The following RUSC2 variants were observed in gnomAD, a reference collection of about 807,000 sequenced individuals.
The protein encoded by RUSC2 is AP-4 complex accessory subunit RUSC2.
A neutral mutation model predicts 122.2 loss-of-function variants in RUSC2; 34 were observed. The observed-to-expected ratio is 0.28, with a 90% CI of 0.21 to 0.37. The LOEUF is 0.37. Ranked by LOEUF, RUSC2 falls within the 10% of genes least tolerant of loss-of-function variation. RUSC2 has a pLI of 1.00. For synonymous variants in RUSC2, 784 were observed against 790.0 expected, an observed-to-expected ratio of 0.99 and a Z score of 0.13; for missense variants, 1,747 against 1,952.4, an observed-to-expected ratio of 0.89 and a Z score of 1.98.
At chr9:35,505,051 T>G (rs188236694) in intron 1 of RUSC2, among the ~76,000 whole-genome samples, 2 of 152,128 alleles carry the variant, frequency 1.3e-5, no homozygotes, top group East Asian at 3.9e-4. Flanking sequence ...TGAAGTTAGA[T>G]CTTATGTGTT....
intron 1 of RUSC2, among the ~76,000 whole-genome samples, chr9:35,534,905 G>A (rs1729995510): frequency 6.6e-6 from 1 of 151,744 alleles, no homozygotes; most frequent in Admixed American, 6.6e-5. Context: ...CATTCTGTGG[G>A]TTTTCTTTTG....
intron 1 of RUSC2, among the ~76,000 whole-genome samples, chr9:35,494,341 C>T (rs569409549): frequency 6.6e-6 from 1 of 152,038 alleles, no homozygotes; most frequent in Non-Finnish European, 1.5e-5. Flanking sequence ...TGGCGCACAC[C>T]TATAATCCCT....
rs1471073286 is a variant in RUSC2 at position 35,558,060 on chromosome 9, C to T, written c.3060+70C>T. 6.3e-7 allele frequency: 1 copy of T among 1,581,758 alleles called. No individual in the cohort carries two copies. The highest frequency in any genetic ancestry group is 1.1e-5 in the South Asian group (1 of 90,320). On this transcript the variant is annotated intron_variant, in intron 6 of 11. Transcript: ENST00000361226. The surrounding 1 kb of genome is among the most constrained non-coding windows in gnomAD (Gnocchi z 4.3). ...CACCTGTCCCGCGCTACCACCTTCC[C>T]TTGCTGTCTTGCATTTAGAGCCCAG...
At chr9:35,526,584 A>G (rs2132524566) in intron 1 of RUSC2, among the ~76,000 whole-genome samples, 1 of 152,296 alleles carries the variant, frequency 6.6e-6, no homozygotes, top group Middle Eastern at 3.4e-3. Flanking sequence ...AACAGATATT[A>G]CCTCATCTTG....
chr9:35,523,023 T>C (rs1157035979), intron 1 of RUSC2, among the ~76,000 whole-genome samples: 2 of 152,218 alleles, frequency 1.3e-5, no homozygotes, highest in Non-Finnish European at 2.9e-5. Context: ...TCCTGTCTAT[T>C]GATTAGTACT....
rs1274577691 is a variant in RUSC2 at position 35,547,081 on chromosome 9, C to T, written c.560C>T (p.Thr187Ile). 1 of 1,613,814 alleles carries T rather than the reference C, an allele frequency of 6.2e-7. No individual in the cohort carries two copies. The highest frequency in any genetic ancestry group is 8.5e-7 in the Non-Finnish European group (1 of 1,179,862). ...ACCTTGGATACTCAGCAGTGCGGCA[C>T]CAGCCACTGCTGCCGGCCAGAGCTG... ...VMTLDTQQCG[T>I]SHCCRPELEA... The change falls in exon 2 of 12, where the codon ACC becomes ATC. Residue 187 changes from threonine to isoleucine, a missense_variant. Physicochemically the swap from Thr to Ile is moderately conservative, Grantham distance 89. Coordinates refer to ENST00000361226, the MANE Select transcript of RUSC2 (RefSeq NM_014806.5). The surrounding 1 kb of genome is among the most constrained non-coding windows in gnomAD (Gnocchi z 4.6).
At position 35,546,610 on chromosome 9, in the gene RUSC2, G is replaced by A. The variant is rs750269176; in HGVS notation, c.89G>A (p.Cys30Tyr). 2.6e-6 allele frequency: 4 copies of A among 1,555,830 alleles called. No individual in the cohort carries two copies. The highest frequency in any genetic ancestry group is 2.6e-6 in the Non-Finnish European group (3 of 1,153,042). ...TGCCAAGTCCCAGACAGGCAGTGCT[G>A]TGGAGGGGCAGGTGGAGGTGGTGGG... ...VHCQVPDRQC[C>Y]GGAGGGGGST... The change falls in exon 2 of 12, where the codon TGT becomes TAT. Residue 30 changes from cysteine to tyrosine, a missense_variant. Cys to Tyr is a radical substitution (Grantham distance 194). Transcript: ENST00000361226. This position sits in a 1 kb window ranked among gnomAD's most constrained non-coding sequence, Gnocchi z 4.3.
chr9:35,558,044 C>T lies in RUSC2; in HGVS notation c.3060+54C>T, dbSNP rs373961776. The T allele has an allele frequency of 4.4e-4, 697 of 1,585,524 alleles. 1 individual carries two copies. The highest frequency in any genetic ancestry group is 5.7e-4 in the Non-Finnish European group (657 of 1,154,372). On this transcript the variant is annotated intron_variant, in intron 6 of 11. Transcript: ENST00000361226. The surrounding 1 kb of genome is among the most constrained non-coding windows in gnomAD (Gnocchi z 4.3). Reference sequence around the variant, plus strand: ...TCTGCCTGCAAGCCCTCACCTGTCCCGCGCTACCACCTTCCCTTGCTGTCT... The same window carrying T: ...TCTGCCTGCAAGCCCTCACCTGTCCTGCGCTACCACCTTCCCTTGCTGTCT...
chr9:35,555,967 C>T lies in RUSC2; in HGVS notation c.2672C>T (p.Pro891Leu). ...CTGCTTCCAGCCAACCACCTATCCC[C>T]TCAAGCCCTCAAGTGGCGGGAATAC... ...TRPSNANHLS[P>L]QALKWREYRR... The change falls in exon 4 of 12, where the codon CCT becomes CTT. Residue 891 changes from proline to leucine, a missense_variant. Transcript: ENST00000361226. This position sits in a 1 kb window ranked among gnomAD's most constrained non-coding sequence, Gnocchi z 4.6. The T allele has an allele frequency of 6.2e-7, 1 of 1,614,196 alleles. No individual in the cohort carries two copies. Among genetic ancestry groups the T allele is most frequent in the Non-Finnish European group, 8.5e-7 (1 of 1,179,996 alleles).
At chr9:35,538,257 T>A (rs527756334) in intron 1 of RUSC2, among the ~76,000 whole-genome samples, 4 of 152,016 alleles carry the variant, frequency 2.6e-5, no homozygotes, top group African/African-American at 7.3e-5. Flanking sequence ...TTGAATACCG[T>A]GTTAGGAAGA....
chr9:35,559,244 C>G lies in RUSC2; in HGVS notation c.3360C>G (p.Phe1120Leu), dbSNP rs981313421. The part of the protein sequence containing the change: ...LGLLNIRSLE[F>L]WFNHLYNHED... ...CCTACAGCATCCGGTCCCTGGAGTT[C>G]TGGTTTAATCACCTCTATAACCACG... Residue 1120 changes from phenylalanine (F) to leucine (L), a missense_variant, in exon 9 of 12, where the codon TTC becomes TTG. By Grantham distance (22) the Phe-to-Leu change is conservative. Transcript: ENST00000361226. The G allele has an allele frequency of 3.1e-6, 5 of 1,613,570 alleles. No individual in the cohort carries two copies. The African/African-American group carries it at 4.0e-5, about 13-fold the overall frequency.
In RUSC2 at chr9:35,557,670, T is replaced by C. The variant is rs893457150; in HGVS notation, c.2984-244T>C. 2.0e-5 allele frequency among the ~76,000 whole-genome samples: 3 copies of C among 152,082 alleles called. No individual in the cohort carries two copies. Among genetic ancestry groups the C allele is most frequent in the Admixed American group, 1.3e-4 (2 of 15,276 alleles). On this transcript the variant is annotated intron_variant, in intron 5 of 11. Coordinates refer to ENST00000361226, the MANE Select transcript of RUSC2 (RefSeq NM_014806.5). The surrounding 1 kb of genome is among the most constrained non-coding windows in gnomAD (Gnocchi z 4.6). ...GAATAAGGGCTGAGAGGTAAGGACA[T>C]TGAGAGGCTTGACAGTGGCATCACT... is the stretch of plus-strand genomic sequence containing the variant.
At chr9:35,531,863 A>C (rs1467273476) in intron 1 of RUSC2, among the ~76,000 whole-genome samples, 1 of 152,118 alleles carries the variant, frequency 6.6e-6, no homozygotes, top group East Asian at 1.9e-4. Context: ...TCCTCTACTA[A>C]AAATACAAAA....
At chr9:35,525,408 G>A (rs1430232353) in intron 1 of RUSC2, among the ~76,000 whole-genome samples, 1 of 152,124 alleles carries the variant, frequency 6.6e-6, no homozygotes, top group Non-Finnish European at 1.5e-5. Flanking sequence ...CAGGAGACCA[G>A]TGGTCTCCTG....
intron 1 of RUSC2, among the ~76,000 whole-genome samples, chr9:35,513,268 T>A (rs1356338929): frequency 6.6e-6 from 1 of 152,102 alleles, no homozygotes; most frequent in African/African-American, 2.4e-5. Context: ...AGAAGAGTTA[T>A]ACCTGAAGAG....
At chr9:35,512,640 T>G (rs1821029255) in intron 1 of RUSC2, among the ~76,000 whole-genome samples, 1 of 152,148 alleles carries the variant, frequency 6.6e-6, no homozygotes, top group South Asian at 2.1e-4. Context: ...ATACAGATGA[T>G]CAAAAAGAAG....
At chr9:35,518,799 C>A (rs1366456754) in intron 1 of RUSC2, among the ~76,000 whole-genome samples, 6 of 152,204 alleles carry the variant, frequency 3.9e-5, no homozygotes, top group Non-Finnish European at 8.8e-5. Flanking sequence ...CCCTCCCAAA[C>A]AGGCTTTTTC....
intron 1 of RUSC2, among the ~76,000 whole-genome samples, chr9:35,503,298 A>G (rs1820851803): frequency 6.6e-6 from 1 of 152,128 alleles, no homozygotes; most frequent in Non-Finnish European, 1.5e-5. Flanking sequence ...AGTCTATTAT[A>G]TCATTCTTAC....
chr9:35,561,169 C>T lies in RUSC2; in HGVS notation c.4350-12C>T. ...AGGGGGTTTCTCTGACCTCCATGTG[C>T]TGTTTCCCCAGTGAGGTGCAGGCAC... On this transcript the variant is annotated splice_polypyrimidine_tract_variant and intron_variant, in intron 11 of 11. Transcript: ENST00000361226. 6.2e-7 allele frequency: 1 copy of T among 1,613,774 alleles called. No individual in the cohort carries two copies. The highest frequency in any genetic ancestry group is 8.5e-7 in the Non-Finnish European group (1 of 1,179,838).
Sources: allele counts gnomAD v4.1 joint callset (sites outside exome capture counted in the v4.1 genomes callset), GRCh38; gene constraint gnomAD v4.1.1; non-coding constraint Gnocchi (gnomAD v3.1); transcripts MANE v1.5; gene names NCBI Gene and HGNC (gene_info 2026-07-23, HGNC 2026-07-21).